The following HS6ST3 variants were observed in gnomAD, a reference collection of about 807,000 sequenced individuals.
HS6ST3 encodes the protein heparan-sulfate 6-O-sulfotransferase 3.
A neutral mutation model predicts 36.7 loss-of-function variants in HS6ST3; 12 were observed. The observed-to-expected ratio is 0.33, with a 90% confidence interval of 0.21 to 0.53. The LOEUF (loss-of-function observed/expected upper bound fraction) is 0.53, where lower values mean the gene tolerates loss of function less well. Ranked by LOEUF, HS6ST3 falls within the 20% of genes least tolerant of loss-of-function variation. HS6ST3 has a pLI of 0.95. For missense variants in HS6ST3, 584 were observed against 640.9 expected (o/e 0.91, Z 0.96); for synonymous variants, 240 against 257.5 (o/e 0.93, Z 0.65).
chr13:96,209,051 T>C (rs2054385914), intron 1 of HS6ST3, among the ~76,000 whole-genome samples: 1 of 152,338 alleles, frequency 6.6e-6, no homozygotes, highest in African/African-American at 2.4e-5. Flanking sequence ...ATTTTGAATT[T>C]GGCTTGGGAT....
chr13:96,665,182 A>G (rs2056659472), intron 1 of HS6ST3, among the ~76,000 whole-genome samples: 1 of 152,150 alleles, frequency 6.6e-6, no homozygotes. Flanking sequence ...GATAAAATAA[A>G]TAAATAAATA....
intron 1 of HS6ST3, among the ~76,000 whole-genome samples, chr13:96,142,167 T>C (rs1033177026): frequency 6.6e-6 from 1 of 152,158 alleles, no homozygotes; most frequent in African/African-American, 2.4e-5. Flanking sequence ...TCAATACTTA[T>C]TTTCATCCAT....
chr13:96,136,955 G>A (rs1186924357), intron 1 of HS6ST3, among the ~76,000 whole-genome samples: 1 of 151,980 alleles, frequency 6.6e-6, no homozygotes, highest in Non-Finnish European at 1.5e-5. Context: ...CAAAAGGTCT[G>A]TGCATTGAAT....
intron 1 of HS6ST3, among the ~76,000 whole-genome samples, chr13:96,623,440 C>G (rs1338276868): frequency 6.6e-6 from 1 of 151,614 alleles, no homozygotes; most frequent in African/African-American, 2.4e-5. Context: ...GCAGCATTGG[C>G]CTATCTTGGA....
At chr13:96,601,664 T>C (rs1049525796) in intron 1 of HS6ST3, among the ~76,000 whole-genome samples, 3 of 152,200 alleles carry the variant, frequency 2.0e-5, no homozygotes, top group Non-Finnish European at 4.4e-5. Flanking sequence ...TATAATCTTT[T>C]GGGGGTGTTG....
intron 1 of HS6ST3, among the ~76,000 whole-genome samples, chr13:96,333,594 T>C (rs537992352): frequency 6.6e-6 from 1 of 152,304 alleles, no homozygotes; most frequent in East Asian, 1.9e-4. Context: ...TAGCAATAGT[T>C]CTGGGATATG....
intron 1 of HS6ST3, among the ~76,000 whole-genome samples, chr13:96,798,676 A>G (rs1877970962): frequency 6.6e-6 from 1 of 152,100 alleles, no homozygotes; most frequent in African/African-American, 2.4e-5. Context: ...AATAATGCTT[A>G]CCTTATAGAG....
chr13:96,417,743 C>CACAG (rs2055541648), intron 1 of HS6ST3, among the ~76,000 whole-genome samples: 1 of 150,560 alleles, frequency 6.6e-6, no homozygotes, highest in South Asian at 2.1e-4. Flanking sequence ...CACACACACA[C>CACAG]ACACACACAC....
chr13:96,572,369 G>A (rs992563017), intron 1 of HS6ST3, among the ~76,000 whole-genome samples: 8 of 152,066 alleles, frequency 5.3e-5, no homozygotes, highest in African/African-American at 1.9e-4. Flanking sequence ...AGAAAAGTTT[G>A]GCATGCCAAG....
intron 1 of HS6ST3, among the ~76,000 whole-genome samples, chr13:96,813,090 G>A (rs377624365): frequency 7.2e-5 from 11 of 152,260 alleles, no homozygotes; most frequent in East Asian, 5.8e-4. Context: ...TATTTAAAGC[G>A]CTTGCTTTTG....
At chr13:96,414,850 T>A (rs1433008490) in intron 1 of HS6ST3, among the ~76,000 whole-genome samples, 1 of 152,206 alleles carries the variant, frequency 6.6e-6, no homozygotes, top group Non-Finnish European at 1.5e-5. Flanking sequence ...GGGCTTTTTT[T>A]CATTTTGTAC....
chr13:96,636,640 G>A (rs975040141), intron 1 of HS6ST3, among the ~76,000 whole-genome samples: 3 of 152,130 alleles, frequency 2.0e-5, no homozygotes, highest in Admixed American at 6.5e-5. Flanking sequence ...GCCCAGCTCT[G>A]AAAGGAAGCT....
In HS6ST3 at chr13:96,530,507, T is replaced by G. The variant is rs2056131345; in HGVS notation, c.708-301983T>G. Reference sequence around the variant, plus strand: ...TGATCAGTTTCTTTTTTCTTTCCCTTTTTTTTTTTTTTGGAAACAGGTACT... The same window carrying G: ...TGATCAGTTTCTTTTTTCTTTCCCTGTTTTTTTTTTTTGGAAACAGGTACT... On this transcript the variant is annotated intron_variant, in intron 1 of 1. Transcript: ENST00000376705. Among the ~76,000 whole-genome samples the G allele has an allele frequency of 5.4e-5, 8 of 146,994 alleles. No individual in the cohort carries two copies. In the South Asian group the frequency reaches 1.7e-3, roughly 32 times the overall value.
At chr13:96,605,883 A>C (rs201980226) in intron 1 of HS6ST3, among the ~76,000 whole-genome samples, 7 of 110,046 alleles carry the variant, frequency 6.4e-5, no homozygotes, top group East Asian at 5.1e-4. Flanking sequence ...ATTAACAAGC[A>C]AAAAAAAAAA....
intron 1 of HS6ST3, among the ~76,000 whole-genome samples, chr13:96,650,076 G>A (rs2056602402): frequency 6.6e-6 from 1 of 151,794 alleles, no homozygotes; most frequent in Non-Finnish European, 1.5e-5. Context: ...TTTCCTAGTA[G>A]GGCAGACCCT....
At chr13:96,464,947 C>CGTGTGT (rs71113997) in intron 1 of HS6ST3, among the ~76,000 whole-genome samples, 10,791 of 145,336 alleles carry the variant, frequency 0.074, 458 homozygotes, top group African/African-American at 0.11. Flanking sequence ...CAAGATGCTT[C>CGTGTGT]GTGTGTGTGT....
At chr13:96,145,523 G>T (rs1321936403) in intron 1 of HS6ST3, among the ~76,000 whole-genome samples, 1 of 151,940 alleles carries the variant, frequency 6.6e-6, no homozygotes, top group Non-Finnish European at 1.5e-5. Flanking sequence ...TTGTAAATTT[G>T]TTTGAGTTCA....
At chr13:96,423,066 A>AT (rs1267928496) in intron 1 of HS6ST3, among the ~76,000 whole-genome samples, 1 of 151,768 alleles carries the variant, frequency 6.6e-6, no homozygotes, top group Non-Finnish European at 1.5e-5. Flanking sequence ...TTTTTTTCTT[A>AT]TTTTTCAGGA....
At chr13:96,585,947 C>G (rs1344146107) in intron 1 of HS6ST3, among the ~76,000 whole-genome samples, 2 of 152,112 alleles carry the variant, frequency 1.3e-5, no homozygotes, top group Non-Finnish European at 2.9e-5. Flanking sequence ...TATATACCTA[C>G]AAAGTAGTGG....
Sources: allele counts gnomAD v4.1 joint callset (sites outside exome capture counted in the v4.1 genomes callset), GRCh38; gene constraint gnomAD v4.1.1; transcripts MANE v1.5; gene names NCBI Gene and HGNC (gene_info 2026-07-23, HGNC 2026-07-21).